KHDRBS2: variants seen among roughly 807,000 people sequenced by gnomAD.
KHDRBS2 encodes KH domain-containing, RNA-binding, signal transduction-associated protein 2.
KHDRBS2 carries 26 observed loss-of-function variants against 44.3 expected under a neutral mutation model. That is an observed-to-expected ratio of 0.59 (90% CI 0.43 to 0.81). The LOEUF (loss-of-function observed/expected upper bound fraction) is 0.81. Ranked by LOEUF, KHDRBS2 falls within the 40% of genes least tolerant of loss-of-function variation. The probability of loss-of-function intolerance (pLI) is 0.00; values close to 1 mark genes in which losing one functional copy is unlikely to be tolerated. For synonymous variants in KHDRBS2, 194 were observed against 151.1 expected (o/e 1.28, Z -2.08); for missense variants, 476 against 433.1 (o/e 1.10, Z -0.88).
intron 6 of KHDRBS2, among the ~76,000 whole-genome samples, chr6:61,806,379 A>G (rs560938094): frequency 6.6e-6 from 1 of 152,262 alleles, no homozygotes; most frequent in Admixed American, 6.5e-5. Flanking sequence ...GGTCCTGAGA[A>G]TACATAAAAA....
chr6:61,545,592 A>T, the KHDRBS2 span, among the ~76,000 whole-genome samples: 5 of 151,946 alleles, frequency 3.3e-5, no homozygotes, highest in African/African-American at 9.7e-5. Flanking sequence ...ATGCTCAAAA[A>T]CAGTATATGT....
chr6:62,115,713 G>A (rs1021350443), intron 2 of KHDRBS2, among the ~76,000 whole-genome samples: 3 of 152,082 alleles, frequency 2.0e-5, no homozygotes, highest in African/African-American at 7.2e-5. Flanking sequence ...AATTAACAGA[G>A]ATCAAATTTT....
chr6:62,133,230 G>C (rs1810747918), intron 2 of KHDRBS2, among the ~76,000 whole-genome samples: 1 of 152,108 alleles, frequency 6.6e-6, no homozygotes, highest in Admixed American at 6.5e-5. Context: ...TTGAATTGTA[G>C]CTCCTATAAT....
intron 1 of KHDRBS2, among the ~76,000 whole-genome samples, chr6:62,260,972 T>C (rs576890016): frequency 1.3e-5 from 2 of 152,058 alleles, no homozygotes; most frequent in African/African-American, 4.8e-5. Flanking sequence ...CTGAGATATT[T>C]TCATTTCTCA....
chr6:61,965,117 T>A (rs1216581393), intron 4 of KHDRBS2, among the ~76,000 whole-genome samples: 5 of 151,988 alleles, frequency 3.3e-5, no homozygotes, highest in Non-Finnish European at 7.4e-5. Context: ...GATGTAAAAA[T>A]TAAAAGGGAA....
At chr6:62,130,894 A>C (rs1447899626) in intron 2 of KHDRBS2, among the ~76,000 whole-genome samples, 1 of 152,124 alleles carries the variant, frequency 6.6e-6, no homozygotes, top group African/African-American at 2.4e-5. Context: ...CTGGAAGTAC[A>C]GTTTCTACAG....
intron 2 of KHDRBS2, among the ~76,000 whole-genome samples, chr6:62,093,351 T>C (rs889616444): frequency 6.6e-6 from 1 of 152,020 alleles, no homozygotes; most frequent in Non-Finnish European, 1.5e-5. Context: ...AAGCTTTATT[T>C]TATAATGGAC....
chr6:62,148,033 G>A (rs1427379574), intron 2 of KHDRBS2, among the ~76,000 whole-genome samples: 1 of 151,954 alleles, frequency 6.6e-6, no homozygotes, highest in African/African-American at 2.4e-5. Flanking sequence ...TATTATTCAT[G>A]GCAAATGTGT....
At chr6:62,002,203 C>T (rs1287697665) in intron 3 of KHDRBS2, among the ~76,000 whole-genome samples, 2 of 151,262 alleles carry the variant, frequency 1.3e-5, no homozygotes, top group Admixed American at 6.6e-5. Context: ...AAAAAAATTC[C>T]ACCAAAGGTG....
chr6:62,198,771 G>C (rs1232442580), intron 1 of KHDRBS2, among the ~76,000 whole-genome samples: 1 of 152,146 alleles, frequency 6.6e-6, no homozygotes. Context: ...AAGCCTGGCA[G>C]AGACACAACA....
At chr6:62,060,010 C>A (rs932473531) in intron 2 of KHDRBS2, among the ~76,000 whole-genome samples, 1 of 151,702 alleles carries the variant, frequency 6.6e-6, no homozygotes, top group Non-Finnish European at 1.5e-5. Flanking sequence ...CAGCAGGAAA[C>A]CTTCCCTGGA....
intron 6 of KHDRBS2, among the ~76,000 whole-genome samples, chr6:61,749,523 T>C (rs531488411): frequency 1.2e-4 from 19 of 152,346 alleles, no homozygotes; most frequent in Non-Finnish European, 2.6e-4. Context: ...AATTATACTT[T>C]TTGAATCTGC....
chr6:61,984,177 C>T (rs779927765), intron 3 of KHDRBS2, among the ~76,000 whole-genome samples: 21 of 152,288 alleles, frequency 1.4e-4, no homozygotes, highest in Non-Finnish European at 2.8e-4. Context: ...TCTGTTCTCA[C>T]TTAAGATACT....
rs529811370 is a variant in KHDRBS2, at chr6:61,948,965, G to A, written c.483+29101C>T. 3.3e-5 allele frequency among the ~76,000 whole-genome samples: 5 copies of A among 152,026 alleles called. No individual in the cohort carries two copies. In the East Asian group the frequency reaches 7.8e-4, roughly 24 times the overall value. ...CTTCAGTTCTCTCCATCCACCCATG[G>A]GAGCTACCTGCAACTTAGCTGATAT... On this transcript the variant is annotated intron_variant, in intron 4 of 8. Coordinates refer to ENST00000281156, the MANE Select transcript of KHDRBS2 (RefSeq NM_152688.4).
the KHDRBS2 span, among the ~76,000 whole-genome samples, chr6:61,649,121 G>T: frequency 2.6e-5 from 4 of 152,038 alleles, no homozygotes; most frequent in Admixed American, 1.3e-4. Flanking sequence ...AAGGGTCAGG[G>T]TCACCACTCA....
At chr6:62,115,531 T>A (rs1474560826) in intron 2 of KHDRBS2, among the ~76,000 whole-genome samples, 3 of 152,216 alleles carry the variant, frequency 2.0e-5, no homozygotes, top group Admixed American at 6.5e-5. Context: ...CCTACAGTTA[T>A]GAGATGATCT....
the KHDRBS2 span, among the ~76,000 whole-genome samples, chr6:61,637,599 G>T: frequency 6.6e-6 from 1 of 152,118 alleles, no homozygotes; most frequent in Admixed American, 6.6e-5. Context: ...GATCCCTGAA[G>T]AATCGCCACA....
At chr6:61,616,749 G>A in the KHDRBS2 span, among the ~76,000 whole-genome samples, 2 of 152,092 alleles carry the variant, frequency 1.3e-5, no homozygotes, top group African/African-American at 4.8e-5. Context: ...AAGGGGTCAA[G>A]TGGCTTGCAA....
intron 3 of KHDRBS2, among the ~76,000 whole-genome samples, chr6:62,005,920 C>T (rs1046982294): frequency 7.3e-5 from 11 of 151,654 alleles, no homozygotes; most frequent in Non-Finnish European, 1.5e-4. Flanking sequence ...CTAACATTGA[C>T]GAAATTATAC....
Sources: gnomAD v4.1 joint callset for allele counts (sites outside exome capture counted in the v4.1 genomes callset) on GRCh38, gnomAD v4.1.1 for gene constraint, MANE v1.5 for transcripts, NCBI Gene and HGNC (gene_info 2026-07-23, HGNC 2026-07-21) for gene names.